The following ZKSCAN2 variants were observed in gnomAD, a reference collection of about 807,000 sequenced individuals.
The protein encoded by ZKSCAN2 is zinc finger protein with KRAB and SCAN domains 2.
Under a neutral mutation model 90.5 loss-of-function variants are expected in ZKSCAN2, and 38 were observed. The observed-to-expected ratio is 0.42, with a 90% CI of 0.32 to 0.55. ZKSCAN2 has a LOEUF of 0.55. Among genes scored for constraint, ZKSCAN2 ranks in the 20% least tolerant of loss-of-function variants. ZKSCAN2 has a pLI of 0.11. For synonymous variants in ZKSCAN2, 429 were observed against 421.6 expected (o/e 1.02, Z -0.22); for missense variants, 1,167 against 1,202.6 (o/e 0.97, Z 0.44).
Position 25,240,626 on chromosome 16 carries a change from G to A in ZKSCAN2, c.2094C>T (p.Thr698=), listed in dbSNP as rs776898437. 10 of 1,613,930 alleles carry A rather than the reference G, an allele frequency of 6.2e-6. No individual in the cohort carries two copies. The highest frequency in any genetic ancestry group is 4.0e-5 in the African/African-American group (3 of 74,860). The change falls in exon 7 of 7, where the codon ACC becomes ACT. Residue 698 remains threonine, a synonymous_variant. Transcript: ENST00000328086. The part of the protein sequence containing the change: ...EKSKRVVSQS[T]DPSKYRKREC... Reference sequence around the variant, plus strand: ...CCCTTTTGCGATATTTGCTGGGGTCGGTACTCTGGGAAACAACTCTTTTAG... The same window carrying A: ...CCCTTTTGCGATATTTGCTGGGGTCAGTACTCTGGGAAACAACTCTTTTAG...
intron 4 of ZKSCAN2, among the ~76,000 whole-genome samples, 197 bp downstream of exon 4, chr16:25,251,712 T>G (rs1399673607): frequency 6.6e-6 from 1 of 152,064 alleles, no homozygotes; most frequent in Non-Finnish European, 1.5e-5. Context: ...AATGTTTTAA[T>G]CACTAAATTA....
rs1401216296 is a variant in ZKSCAN2 at position 25,238,588 on chromosome 16, C to T, written c.*1228G>A. 5 of 152,208 alleles carry T rather than the reference C, an allele frequency of 3.3e-5. No individual in the cohort carries two copies. The highest frequency in any genetic ancestry group is 9.6e-5 in the African/African-American group (4 of 41,454). The allele number at this position is 152,208 out of a possible 1,614,324, so 9.4% of individuals were successfully genotyped here. On this transcript the variant is annotated 3_prime_UTR_variant, in exon 7 of 7. Transcript: ENST00000328086. ...AGTTTTTATAAATGTTCCCACTTTT[C>T]ACCCAGTGAGCTCTAGAGTTGTGTT...
intron 2 of ZKSCAN2, among the ~76,000 whole-genome samples, chr16:25,253,411 T>C (rs996058241): frequency 1.3e-5 from 2 of 151,572 alleles, no homozygotes; most frequent in Non-Finnish European, 2.9e-5. Context: ...CCAGCCTTCC[T>C]TTCCCCCTCC....
rs1294613565 is a variant in ZKSCAN2, at chr16:25,257,751, G to C, written c.-624C>G. 1.3e-5 allele frequency: 2 copies of C among 153,526 alleles called. No individual in the cohort carries two copies. The highest frequency in any genetic ancestry group is 6.5e-5 in the Admixed American group (1 of 15,274). 9.5% of individuals were successfully genotyped at this position (153,526 alleles called of 1,614,324 possible). ...AAACTGTTCCGCCCGGAAGGGAGAA[G>C]AGCTGCGGGGCGAAGCCAGGGCTCG... On this transcript the variant is annotated 5_prime_UTR_variant, in exon 1 of 7. Transcript: ENST00000328086.
chr16:25,243,660 GC>G, intron 6 of ZKSCAN2, 124 bp downstream of exon 6: 2 of 1,204,260 alleles, frequency 1.7e-6, no homozygotes, highest in South Asian at 3.0e-5. Flanking sequence ...TCTTCAAGTA[GC>G]ACAGGCACTC....
intron 6 of ZKSCAN2, among the ~76,000 whole-genome samples, chr16:25,241,274 T>C (rs1356420822): frequency 6.6e-6 from 1 of 152,218 alleles, no homozygotes; most frequent in Non-Finnish European, 1.5e-5. Flanking sequence ...GTTACCCAAA[T>C]TGGATTATTT....
chr16:25,240,511 C>T lies in ZKSCAN2; in HGVS notation c.2209G>A (p.Val737Met), dbSNP rs373105891. Reference protein sequence around the residue: ...SQPRDLGKAVVHQRPFVGKRP... With the variant: ...SQPRDLGKAVMHQRPFVGKRP... ...TTCCCCACAAAAGGCCTCTGATGCA[C>T]AACGGCTTTCCCTAAATCTCTAGGC... The change falls in exon 7 of 7, where the codon GTG becomes ATG. Residue 737 changes from valine (V) to methionine (M), a missense_variant. Val to Met is a conservative substitution (Grantham distance 21). Transcript: ENST00000328086. The T allele has an allele frequency of 6.2e-7, 1 of 1,614,194 alleles. No homozygotes were observed.
Position 25,255,287 on chromosome 16 carries a change from G to C in ZKSCAN2, c.505C>G (p.Arg169Gly), listed in dbSNP as rs776600069. 2 of 1,613,598 alleles carry C rather than the reference G, an allele frequency of 1.2e-6. No individual in the cohort carries two copies. Among genetic ancestry groups the C allele is most frequent in the Non-Finnish European group, 1.7e-6 (2 of 1,179,946 alleles). Residue 169 changes from arginine to glycine, a missense_variant, in exon 2 of 7, where the codon CGG becomes GGG. By Grantham distance (125) the Arg-to-Gly change is moderately radical (BLOSUM62 -2). Coordinates refer to ENST00000328086, the MANE Select transcript of ZKSCAN2 (RefSeq NM_001012981.5). ...GAGTGGAGGCTTCCAGGTTCCTCCC[G>C]AGACACCGCCCTGGGTTGGGTCTCC... ...QVETQPRAVS[R>G]EEPGSLHSGH... is the part of the protein sequence containing the mutation.
At chr16:25,253,102 T>G in intron 2 of ZKSCAN2, 65 bp from the exon 3 acceptor site, 1 of 1,250,234 alleles carries the variant, frequency 8.0e-7, no homozygotes, top group Non-Finnish European at 1.2e-6. Flanking sequence ...GCTGTCTCTC[T>G]TTTTAAGAGA....
intron 1 of ZKSCAN2, among the ~76,000 whole-genome samples, chr16:25,256,299 G>C (rs1963100740): frequency 6.6e-6 from 1 of 151,518 alleles, no homozygotes; most frequent in Non-Finnish European, 1.5e-5. Flanking sequence ...GAGTGCAACA[G>C]TAAAACGCTT....
Position 25,240,673 on chromosome 16 carries a change from G to C in ZKSCAN2, c.2047C>G (p.His683Asp). ...TTAGACTTTTCTATTAATGCCCTAT[G>C]CTGTTCCATGTCCTTATATACTATC... The part of the protein sequence containing the change: ...TQIVYKDMEQ[H>D]RALIEKSKRV... The change falls in exon 7 of 7, where the codon CAT becomes GAT. Residue 683 changes from histidine to aspartate, a missense_variant. Coordinates refer to ENST00000328086, the MANE Select transcript of ZKSCAN2 (RefSeq NM_001012981.5). 6.2e-7 allele frequency: 1 copy of C among 1,614,082 alleles called. No individual in the cohort carries two copies. Among genetic ancestry groups the C allele is most frequent in the South Asian group, 1.1e-5 (1 of 91,068 alleles).
Position 25,240,375 on chromosome 16 carries a change from T to C in ZKSCAN2, c.2345A>G (p.Lys782Arg), listed in dbSNP as rs768223317. 5.0e-6 allele frequency: 8 copies of C among 1,614,058 alleles called. No individual in the cohort carries two copies. Among genetic ancestry groups the C allele is most frequent in the South Asian group, 1.1e-5 (1 of 91,086 alleles). The change falls in exon 7 of 7, where the codon AAG (lysine) becomes AGG (arginine). Residue 782 changes from lysine (K) to arginine (R), a missense_variant. By Grantham distance (26) the Lys-to-Arg change is conservative. Transcript: ENST00000328086. Reference protein sequence around the residue: ...ENPYKCGVCGKCFGRSRSLIR... With the variant: ...ENPYKCGVCGRCFGRSRSLIR... ...CAGGCTCCTGCTTCTACCAAAGCACTTCCCACAGACACCACACTTGTAAGG... is the reference window on the plus strand; with the variant it reads ...CAGGCTCCTGCTTCTACCAAAGCACCTCCCACAGACACCACACTTGTAAGG...
intron 2 of ZKSCAN2, among the ~76,000 whole-genome samples, chr16:25,254,140 C>G (rs534983666): frequency 5.8e-4 from 89 of 152,334 alleles, no homozygotes; most frequent in African/African-American, 1.9e-3. Flanking sequence ...GTCTCTAAAG[C>G]CTAAGCTCTT....
rs151086073 is a variant in ZKSCAN2, at chr16:25,253,439, C to CCT, written c.587-404_587-403dup. Among the ~76,000 whole-genome samples, 1,047 of 144,594 alleles carry CCT rather than the reference C, an allele frequency of 7.2e-3. 4 individuals are homozygous for CCT. The highest frequency in any genetic ancestry group is 0.012 in the South Asian group (55 of 4,436). The allele number at this position is 144,594 out of a possible 152,430, so 94.9% of individuals were successfully genotyped here. A position where few individuals can be genotyped will look rare whatever the true frequency, so the allele number is the denominator to read the frequency against. On this transcript the variant is annotated intron_variant, in intron 2 of 6. Transcript: ENST00000328086. ...CCCCCTCCCTTCCCTTTTCTCCCTT[C>CCT]CTCTCTCTCTCTCTCTCTCTCTCTC...
At chr16:25,246,028 A>T (rs908586812) in intron 5 of ZKSCAN2, among the ~76,000 whole-genome samples, 13 of 152,212 alleles carry the variant, frequency 8.5e-5, no homozygotes, top group Non-Finnish European at 1.5e-4. Flanking sequence ...TGCATGTCTC[A>T]GTCACAAAAT....
chr16:25,255,650 T>C (rs999988938), intron 1 of ZKSCAN2, among the ~76,000 whole-genome samples: 4 of 152,182 alleles, frequency 2.6e-5, no homozygotes, highest in Non-Finnish European at 5.9e-5. Context: ...GGCACGATCT[T>C]GGCTCACTGC....
chr16:25,247,127 CTT>C lies in ZKSCAN2; in HGVS notation c.1067_1068del (p.Lys356ArgfsTer6). On this transcript the variant is annotated frameshift_variant, in exon 5 of 7. Coordinates refer to ENST00000328086, the MANE Select transcript of ZKSCAN2 (RefSeq NM_001012981.5). LOFTEE classifies it high-confidence loss of function. ...TGAAGTGTTTCATAAAAGCGAGACTCTTTGAGAATTGCCAGGAAAGTCTTTGT... is the reference window on the plus strand; with the variant it reads ...TGAAGTGTTTCATAAAAGCGAGACTCTGAGAATTGCCAGGAAAGTCTTTGT... ...EETKTFLAILKESRFYETLQA... is the reference protein window; with the variant it reads ...EETKTFLAILXESRFYETLQA... The C allele has an allele frequency of 1.2e-6, 2 of 1,614,206 alleles. No homozygotes were observed. Among genetic ancestry groups the C allele is most frequent in the African/African-American group, 1.3e-5 (1 of 75,058 alleles).
Position 25,240,564 on chromosome 16 carries a change from C to T in ZKSCAN2, c.2156G>A (p.Gly719Glu), listed in dbSNP as rs1271214955. The stretch of plus-strand genomic sequence containing the variant: ...AGACATCGGCTTTCCCTGTCTAATT[C>T]CTTGAAGATTTTCCCATTGTCTTCC... ...ISGRQWENLQ[G>E]IRQGKPMSQP... The change falls in exon 7 of 7, where the codon GGA becomes GAA. Residue 719 changes from glycine (G) to glutamate (E), a missense_variant. Transcript: ENST00000328086. The T allele has an allele frequency of 6.2e-7, 1 of 1,614,170 alleles. No individual in the cohort carries two copies. Among genetic ancestry groups the T allele is most frequent in the African/African-American group, 1.3e-5 (1 of 75,034 alleles).
At position 25,243,848 on chromosome 16, in the gene ZKSCAN2, C is replaced by T. The variant is rs199539113; in HGVS notation, c.1918G>A (p.Glu640Lys). ...TCTGGCTCTTGCACAATTTCCTCCT[C>T]GCTCATTCTCTCACTGCAAGAGTCT... ...IEDSCSERMS[E>K]EEIVQEPEFQ... Residue 640 changes from glutamate to lysine, a missense_variant, in exon 6 of 7, where the codon GAG (glutamate) becomes AAG (lysine). By Grantham distance (56) the Glu-to-Lys change is moderately conservative. Transcript: ENST00000328086. 3.3e-5 allele frequency: 54 copies of T among 1,613,974 alleles called. No homozygotes were observed. Among genetic ancestry groups the T allele is most frequent in the African/African-American group, 6.7e-5 (5 of 74,874 alleles).
Sources: allele counts gnomAD v4.1 joint callset (sites outside exome capture counted in the v4.1 genomes callset), GRCh38; gene constraint gnomAD v4.1.1; transcripts MANE v1.5; gene names NCBI Gene and HGNC (gene_info 2026-07-23, HGNC 2026-07-21).